The following ARID3B variants were observed in gnomAD, a reference collection of about 807,000 sequenced individuals.
The protein encoded by ARID3B is AT-rich interaction domain 3B, also known as AT-rich interactive domain-containing protein 3B.
ARID3B carries 10 observed loss-of-function variants against 51.9 expected under a neutral mutation model. The observed-to-expected ratio is 0.19, with a 90% confidence interval of 0.12 to 0.33. The LOEUF is 0.33. ARID3B is among the 10% of genes least tolerant of loss of function. The probability of loss-of-function intolerance (pLI) is 1.00; values close to 1 mark genes in which losing one functional copy is unlikely to be tolerated. For missense variants in ARID3B, 483 were observed against 716.3 expected, an observed-to-expected ratio of 0.67 and a Z score of 3.72; for synonymous variants, 205 against 279.5, an observed-to-expected ratio of 0.73 and a Z score of 2.66.
intron 2 of ARID3B, among the ~76,000 whole-genome samples, chr15:74,564,582 T>G (rs764878183): frequency 3.9e-5 from 6 of 152,182 alleles, no homozygotes; most frequent in Non-Finnish European, 8.8e-5. Flanking sequence ...GATCAGCCCC[T>G]TTGAAGTCTA....
intron 2 of ARID3B, among the ~76,000 whole-genome samples, chr15:74,545,833 A>G (rs890964309): frequency 6.6e-6 from 1 of 152,204 alleles, no homozygotes; most frequent in Non-Finnish European, 1.5e-5. Flanking sequence ...AAATCCCATC[A>G]CTTCCAAATA....
intron 2 of ARID3B, among the ~76,000 whole-genome samples, chr15:74,565,293 C>G (rs1343572083): frequency 6.6e-6 from 1 of 152,088 alleles, no homozygotes; most frequent in African/African-American, 2.4e-5. Flanking sequence ...CTTAAGCAGT[C>G]CTTCCACCTC....
At chr15:74,565,814 C>T (rs1332329643) in intron 2 of ARID3B, among the ~76,000 whole-genome samples, 1 of 151,758 alleles carries the variant, frequency 6.6e-6, no homozygotes. Context: ...TTAAATCTAC[C>T]TCTTTCTTCT....
At chr15:74,580,291 C>T (rs990892540) in intron 4 of ARID3B, among the ~76,000 whole-genome samples, 3 of 152,170 alleles carry the variant, frequency 2.0e-5, no homozygotes, top group Non-Finnish European at 4.4e-5. Context: ...TTCTGAAATA[C>T]CATTCCCTCA....
chr15:74,576,568 C>A (rs1215620386), intron 4 of ARID3B, among the ~76,000 whole-genome samples: 1 of 151,536 alleles, frequency 6.6e-6, no homozygotes, highest in East Asian at 1.9e-4. Flanking sequence ...CTGAGGTGGG[C>A]AAATTGCTCG....
At chr15:74,593,333 C>T (rs1025983861) in intron 8 of ARID3B, 97 bp downstream of exon 8, 24 of 1,106,108 alleles carry the variant, frequency 2.2e-5, no homozygotes, top group Non-Finnish European at 2.7e-5. Flanking sequence ...GTCTGAACAC[C>T]TCCCACAGTG....
intron 2 of ARID3B, among the ~76,000 whole-genome samples, chr15:74,544,966 A>G (rs2061610035): frequency 6.6e-6 from 1 of 152,210 alleles, no homozygotes; most frequent in African/African-American, 2.4e-5. Context: ...TTGGGATTAC[A>G]GGCATGAGCC....
rs563699167 is a variant in ARID3B, at chr15:74,591,412, C to T, written c.1143C>T (p.Ser381=). The T allele has an allele frequency of 1.2e-6, 2 of 1,605,476 alleles. No individual in the cohort carries two copies. Among genetic ancestry groups the T allele is most frequent in the East Asian group, 2.2e-5 (1 of 44,592 alleles). ...SGTNTSSPRI[S]PATTLRKGDG... ...CCAATACCAGTAGCCCTCGGATATC[C>T]CCAGCAACCACTCTCAGGAAAGGTC... The change falls in exon 6 of 9, where the codon TCC becomes TCT. Residue 381 remains serine, a synonymous_variant. Transcript: ENST00000346246. The surrounding 1 kb of genome is among the most constrained non-coding windows in gnomAD (Gnocchi z 5.8).
At chr15:74,554,395 C>T (rs1779019598) in intron 2 of ARID3B, among the ~76,000 whole-genome samples, 2 of 151,068 alleles carry the variant, frequency 1.3e-5, no homozygotes, top group South Asian at 2.1e-4. Context: ...CTCTGCCTCC[C>T]GGGCTCAAGC....
At chr15:74,558,994 C>T (rs1418825736) in intron 2 of ARID3B, among the ~76,000 whole-genome samples, 1 of 152,162 alleles carries the variant, frequency 6.6e-6, no homozygotes, top group Non-Finnish European at 1.5e-5. Flanking sequence ...CTTGCAGCTT[C>T]GCCGGGCTGG....
intron 4 of ARID3B, among the ~76,000 whole-genome samples, chr15:74,582,927 C>T (rs1008125655): frequency 6.6e-6 from 1 of 152,014 alleles, no homozygotes; most frequent in African/African-American, 2.4e-5. Context: ...GGTACGGTGG[C>T]TCACACCTGT....
In ARID3B at chr15:74,591,842, C is replaced by T; in HGVS notation, c.1420+28C>T. ...GAGCCAGGCTCAGGGCCGGGCCTTCCCTTCCTGGAAACCCCAAGCCCATTC... is the reference window on the plus strand; with the variant it reads ...GAGCCAGGCTCAGGGCCGGGCCTTCTCTTCCTGGAAACCCCAAGCCCATTC... On this transcript the variant is annotated intron_variant, in intron 7 of 8. Coordinates refer to ENST00000346246, the MANE Select transcript of ARID3B (RefSeq NM_006465.4). This position sits in a 1 kb window ranked among gnomAD's most constrained non-coding sequence, Gnocchi z 5.8. The T allele has an allele frequency of 1.2e-6, 2 of 1,602,196 alleles. No individual in the cohort carries two copies. Among genetic ancestry groups the T allele is most frequent in the South Asian group, 1.1e-5 (1 of 89,932 alleles).
At chr15:74,587,704 G>A (rs1268522312) in intron 4 of ARID3B, among the ~76,000 whole-genome samples, 4 of 152,164 alleles carry the variant, frequency 2.6e-5, no homozygotes, top group Admixed American at 6.5e-5. Context: ...GGAGGTCGAC[G>A]TTAGCCCTGT....
intron 2 of ARID3B, among the ~76,000 whole-genome samples, chr15:74,546,053 C>G (rs570949202): frequency 6.6e-6 from 1 of 152,266 alleles, no homozygotes; most frequent in East Asian, 1.9e-4. Context: ...TCTCCTGCAT[C>G]ACATAGACAT....
At chr15:74,583,549 T>G (rs1476261648) in intron 4 of ARID3B, among the ~76,000 whole-genome samples, 1 of 151,706 alleles carries the variant, frequency 6.6e-6, no homozygotes, top group Non-Finnish European at 1.5e-5. Context: ...AAACCCTGTC[T>G]CCACTAAAAA....
chr15:74,564,234 C>G (rs2061690020), intron 2 of ARID3B, among the ~76,000 whole-genome samples: 1 of 152,162 alleles, frequency 6.6e-6, no homozygotes, highest in Non-Finnish European at 1.5e-5. Context: ...CTGGGGCTCC[C>G]CTCCCCTCTT....
At chr15:74,574,312 A>G (rs540619609) in intron 4 of ARID3B, 10 of 152,390 alleles carry the variant, frequency 6.6e-5, no homozygotes, top group African/African-American at 9.6e-5. Context: ...GGACAAAACC[A>G]TAGGAGAGAG....
At chr15:74,554,138 C>G (rs2061648002) in intron 2 of ARID3B, among the ~76,000 whole-genome samples, 1 of 152,130 alleles carries the variant, frequency 6.6e-6, no homozygotes. Flanking sequence ...TCCCAAGTAG[C>G]TGGGACTACA....
intron 2 of ARID3B, among the ~76,000 whole-genome samples, chr15:74,547,158 C>T (rs373786038): frequency 2.6e-5 from 4 of 151,088 alleles, no homozygotes; most frequent in South Asian, 2.1e-4. Flanking sequence ...CTTTCCCCCC[C>T]GCCTTCCCCC....
Sources: gnomAD v4.1 joint callset for allele counts (sites outside exome capture counted in the v4.1 genomes callset) on GRCh38, gnomAD v4.1.1 for gene constraint, Gnocchi (gnomAD v3.1) non-coding constraint, MANE v1.5 for transcripts, NCBI Gene and HGNC (gene_info 2026-07-23, HGNC 2026-07-21) for gene names.